The following FNDC3A variants were observed in gnomAD, a reference collection of about 807,000 sequenced individuals.
The protein encoded by FNDC3A is fibronectin type III domain containing 3A.
Under a neutral mutation model 148.9 loss-of-function variants are expected in FNDC3A, and 32 were observed. The ratio of observed to expected loss-of-function variants is 0.21; its 90% CI spans 0.16 to 0.29. FNDC3A has a LOEUF of 0.29. Ranked by LOEUF, FNDC3A falls within the 10% of genes least tolerant of loss-of-function variation. FNDC3A has a pLI of 1.00. For missense variants in FNDC3A, 1,191 were observed against 1,452.8 expected, an observed-to-expected ratio of 0.82 and a Z score of 2.93; for synonymous variants, 472 against 473.6, an observed-to-expected ratio of 1.00 and a Z score of 0.04.
chr13:49,116,804 TATA>T (rs1880994434), intron 4 of FNDC3A, among the ~76,000 whole-genome samples: 1 of 144,022 alleles, frequency 6.9e-6, no homozygotes, highest in Non-Finnish European at 1.5e-5. Flanking sequence ...AAAAAAATCC[TATA>T]ATGTGTTAGA....
At chr13:49,110,838 A>T (rs1880517270) in intron 3 of FNDC3A, among the ~76,000 whole-genome samples, 1 of 152,232 alleles carries the variant, frequency 6.6e-6, no homozygotes, top group Non-Finnish European at 1.5e-5. Flanking sequence ...AATTTAAGTT[A>T]TACTAGTTGA....
At chr13:49,018,588 T>G (rs1249245183) in intron 2 of FNDC3A, among the ~76,000 whole-genome samples, 1 of 152,296 alleles carries the variant, frequency 6.6e-6, no homozygotes, top group African/African-American at 2.4e-5. Flanking sequence ...GTCTGAAGCC[T>G]TCTTCTCTCA....
At chr13:48,992,389 C>T (rs1003546178) in intron 1 of FNDC3A, among the ~76,000 whole-genome samples, 5 of 152,122 alleles carry the variant, frequency 3.3e-5, no homozygotes, top group Admixed American at 1.3e-4. Context: ...TTGTAAATCA[C>T]TTATCTGGTA....
intron 8 of FNDC3A, among the ~76,000 whole-genome samples, chr13:49,147,381 A>G (rs1883053364): frequency 6.6e-6 from 1 of 152,122 alleles, no homozygotes; most frequent in Admixed American, 6.6e-5. Flanking sequence ...TTCAGCCTTG[A>G]AACATATTTA....
intron 2 of FNDC3A, among the ~76,000 whole-genome samples, chr13:49,065,369 T>C (rs530505981): frequency 2.0e-5 from 3 of 152,194 alleles, no homozygotes; most frequent in Non-Finnish European, 4.4e-5. Context: ...GAGTTAGTAT[T>C]GAGGACTACA....
chr13:49,107,853 C>T (rs1319171972), intron 3 of FNDC3A, among the ~76,000 whole-genome samples: 1 of 152,112 alleles, frequency 6.6e-6, no homozygotes, highest in Non-Finnish European at 1.5e-5. Flanking sequence ...AATTTATAAA[C>T]ATGCCAGTCT....
intron 2 of FNDC3A, among the ~76,000 whole-genome samples, chr13:49,022,178 G>C (rs191079157): frequency 6.6e-6 from 1 of 152,244 alleles, no homozygotes; most frequent in East Asian, 1.9e-4. Context: ...CCTTTGGTTA[G>C]ACCCTTCATC....
Position 49,097,163 on chromosome 13 carries a change from C to T in FNDC3A, c.176-17492C>T, listed in dbSNP as rs542230419. The stretch of plus-strand genomic sequence containing the variant: ...GATTTTAAGCAGGGGATAACCAAAA[C>T]TATAGTAATAAGAATGAGACCTGGA... On this transcript the variant is annotated intron_variant, in intron 3 of 25. Coordinates refer to ENST00000492622, the MANE Select transcript of FNDC3A (RefSeq NM_001079673.2). Among the ~76,000 whole-genome samples, 4 of 152,060 alleles carry T rather than the reference C, an allele frequency of 2.6e-5. No individual in the cohort carries two copies. The South Asian group carries it at 8.3e-4, about 32-fold the overall frequency.
At chr13:48,986,556 C>A (rs934550619) in intron 1 of FNDC3A, among the ~76,000 whole-genome samples, 1 of 151,768 alleles carries the variant, frequency 6.6e-6, no homozygotes, top group African/African-American at 2.4e-5. Context: ...CCACCACACC[C>A]GGCTAATTTT....
chr13:49,115,182 GA>G (rs371601468), intron 4 of FNDC3A, among the ~76,000 whole-genome samples: 970 of 81,300 alleles, frequency 0.012, 7 homozygotes, highest in African/African-American at 0.043. Context: ...CCTGAGGGAT[GA>G]GGGGGGGGGG....
chr13:49,069,442 A>G (rs976476332), intron 2 of FNDC3A, among the ~76,000 whole-genome samples: 36 of 152,040 alleles, frequency 2.4e-4, no homozygotes, highest in Non-Finnish European at 4.7e-4. Flanking sequence ...TGCTCCAACC[A>G]TATAGAACTC....
At chr13:49,106,220 C>G (rs1054612519) in intron 3 of FNDC3A, among the ~76,000 whole-genome samples, 1 of 152,192 alleles carries the variant, frequency 6.6e-6, no homozygotes, top group African/African-American at 2.4e-5. Flanking sequence ...TCATTGAAAC[C>G]TAAACTGATG....
chr13:49,163,912 G>T (rs78174801), intron 8 of FNDC3A, among the ~76,000 whole-genome samples: 6 of 152,180 alleles, frequency 3.9e-5, no homozygotes, highest in African/African-American at 1.4e-4. Flanking sequence ...GTGGTTTGGT[G>T]GTTTTCTGTA....
intron 4 of FNDC3A, among the ~76,000 whole-genome samples, chr13:49,119,337 C>T (rs1881182843): frequency 6.6e-6 from 1 of 152,106 alleles, no homozygotes; most frequent in African/African-American, 2.4e-5. Flanking sequence ...ACAGAAACCC[C>T]ATCCGAAGGT....
At chr13:49,198,638 C>A (rs1468095262) in intron 23 of FNDC3A, 64 bp downstream of exon 23, 11 of 1,329,492 alleles carry the variant, frequency 8.3e-6, no homozygotes, top group Non-Finnish European at 1.2e-5. Flanking sequence ...ATTTCTGTAA[C>A]TATTAGAAGT....
chr13:49,193,200 A>G (rs1403366934), intron 19 of FNDC3A, among the ~76,000 whole-genome samples: 1 of 152,202 alleles, frequency 6.6e-6, no homozygotes, highest in Non-Finnish European at 1.5e-5. Flanking sequence ...AGGTTGCCTT[A>G]TAACATGTAT....
At chr13:49,140,626 A>G (rs1882636444) in intron 7 of FNDC3A, among the ~76,000 whole-genome samples, 1 of 152,202 alleles carries the variant, frequency 6.6e-6, no homozygotes, top group South Asian at 2.1e-4. Flanking sequence ...TTAGAGCACT[A>G]AATTAAATGT....
intron 19 of FNDC3A, 46 bp downstream of exon 19, chr13:49,191,430 T>A: frequency 6.9e-7 from 1 of 1,439,870 alleles, no homozygotes; most frequent in Non-Finnish European, 9.3e-7. Context: ...TGGTGATATA[T>A]GTTTCATTTT....
chr13:49,012,193 G>A (rs1374262854), intron 2 of FNDC3A, among the ~76,000 whole-genome samples: 1 of 151,764 alleles, frequency 6.6e-6, no homozygotes, highest in Non-Finnish European at 1.5e-5. Context: ...TCGGCTTGCT[G>A]CAAGCTCCGC....
Sources: allele counts gnomAD v4.1 joint callset (sites outside exome capture counted in the v4.1 genomes callset), GRCh38; gene constraint gnomAD v4.1.1; transcripts MANE v1.5; gene names NCBI Gene and HGNC (gene_info 2026-07-23, HGNC 2026-07-21).